Variants in ABHD2 observed in about 807,000 individuals in gnomAD.
ABHD2 encodes monoacylglycerol lipase ABHD2.
ABHD2 carries 20 observed loss-of-function variants against 48.1 expected under a neutral mutation model. That is an observed-to-expected ratio of 0.42 (90% CI 0.29 to 0.60). The LOEUF (loss-of-function observed/expected upper bound fraction) is 0.60, where lower values mean the gene tolerates loss of function less well. ABHD2 is among the 20% of genes least tolerant of loss of function. The pLI, the probability that ABHD2 is intolerant of heterozygous loss-of-function variation, is 0.24. For missense variants in ABHD2, 405 were observed against 550.9 expected (o/e 0.74, Z 2.65); for synonymous variants, 209 against 214.2 (o/e 0.98, Z 0.21).
intron 1 of ABHD2, among the ~76,000 whole-genome samples, chr15:89,103,135 C>A (rs1203817648): frequency 2.0e-5 from 3 of 152,220 alleles, no homozygotes; most frequent in Non-Finnish European, 4.4e-5. Context: ...CATTCGGTAT[C>A]CTCAATGCAA....
At chr15:89,110,443 G>C (rs2049856092) in intron 1 of ABHD2, among the ~76,000 whole-genome samples, 1 of 152,050 alleles carries the variant, frequency 6.6e-6, no homozygotes, top group Non-Finnish European at 1.5e-5. Context: ...CATTCGCTAA[G>C]GCTGGGTTCT....
upstream of ABHD2, among the ~76,000 whole-genome samples, chr15:89,083,873 A>G (rs191244669): frequency 6.6e-6 from 1 of 152,288 alleles, no homozygotes; most frequent in Admixed American, 6.5e-5. The surrounding 1 kb of genome is among the most constrained non-coding windows in gnomAD (Gnocchi z 5.1). Context: ...AACAAACTTC[A>G]TCTCCATTAC....
Position 89,175,634 on chromosome 15 carries a change from A to T in ABHD2, c.539-178A>T, listed in dbSNP as rs775966936. Among the ~76,000 whole-genome samples the T allele has an allele frequency of 6.6e-5, 10 of 152,108 alleles. No homozygotes were observed. The highest frequency in any genetic ancestry group is 1.3e-4 in the Non-Finnish European group (9 of 68,010). On this transcript the variant is annotated intron_variant, in intron 5 of 10. Coordinates refer to ENST00000352732, the MANE Select transcript of ABHD2 (RefSeq NM_152924.5). This position sits in a 1 kb window ranked among gnomAD's most constrained non-coding sequence, Gnocchi z 5.7. ...CTGGGAACTTCTGTCTGGATAGCCA[A>T]AGAGCAGTGTCTGTCTCTCTCTCCA... is the stretch of plus-strand genomic sequence containing the variant.
At position 89,097,221 on chromosome 15, in the gene ABHD2, C is replaced by T; in HGVS notation, c.-107+8658C>T. On this transcript the variant is annotated intron_variant, in intron 1 of 10. Coordinates refer to ENST00000352732, the MANE Select transcript of ABHD2 (RefSeq NM_152924.5). The surrounding 1 kb of genome is among the most constrained non-coding windows in gnomAD (Gnocchi z 4.2). ...TTTAACAATAATCAACTCATAACCA[C>T]TCACATTTACTCTGTCTTCCTAGCT... Among the ~76,000 whole-genome samples the T allele has an allele frequency of 6.6e-6, 1 of 152,218 alleles. No individual in the cohort carries two copies. The highest frequency in any genetic ancestry group is 1.9e-4 in the East Asian group (1 of 5,202).
the ABHD2 span, among the ~76,000 whole-genome samples, chr15:89,047,350 G>A: frequency 6.6e-6 from 1 of 151,482 alleles, no homozygotes; most frequent in Non-Finnish European, 1.5e-5. Context: ...GTGTGGTGTG[G>A]TGCTGAAAAA....
chr15:89,187,057 A>G (rs1250531453), intron 7 of ABHD2, among the ~76,000 whole-genome samples: 2 of 152,232 alleles, frequency 1.3e-5, no homozygotes, highest in East Asian at 3.8e-4. Flanking sequence ...CGTGTAGCTC[A>G]GCTGAGTTTG....
chr15:89,075,719 G>T, the ABHD2 span, among the ~76,000 whole-genome samples: 2 of 152,154 alleles, frequency 1.3e-5, no homozygotes, highest in South Asian at 2.1e-4. The surrounding 1 kb of genome is among the most constrained non-coding windows in gnomAD (Gnocchi z 4.1). Context: ...CAACTCAAGC[G>T]CTGGGAGAGG....
In ABHD2 at chr15:89,097,453, T is replaced by C. The variant is rs955044698; in HGVS notation, c.-107+8890T>C. Among the ~76,000 whole-genome samples, 4 of 152,250 alleles carry C rather than the reference T, an allele frequency of 2.6e-5. No homozygotes were observed. The highest frequency in any genetic ancestry group is 9.6e-5 in the African/African-American group (4 of 41,458). On this transcript the variant is annotated intron_variant, in intron 1 of 10. Transcript: ENST00000352732. This position sits in a 1 kb window ranked among gnomAD's most constrained non-coding sequence, Gnocchi z 4.2. ...ATTGTTTAAAAATGGCATAAGTGTT[T>C]TTCTCCTTAAGCTTAATTTTTGTGA... is the stretch of plus-strand genomic sequence containing the variant.
chr15:89,051,600 G>T, the ABHD2 span, among the ~76,000 whole-genome samples: 1 of 152,170 alleles, frequency 6.6e-6, no homozygotes, highest in South Asian at 2.1e-4. Flanking sequence ...GGAGGGACCT[G>T]GTGGATAACC....
At position 89,092,966 on chromosome 15, in the gene ABHD2, A is replaced by G. The variant is rs1228948819; in HGVS notation, c.-107+4403A>G. Among the ~76,000 whole-genome samples the G allele has an allele frequency of 1.3e-5, 2 of 151,932 alleles. No homozygotes were observed. The highest frequency in any genetic ancestry group is 2.9e-5 in the Non-Finnish European group (2 of 67,998). On this transcript the variant is annotated intron_variant, in intron 1 of 10. Transcript: ENST00000352732. The surrounding 1 kb of genome is among the most constrained non-coding windows in gnomAD (Gnocchi z 4.4). ...TTTCTTTTCTGTGAGAGCCCGGGGG[A>G]GGTGCAGGGGAGCTTCTAAAGGTCA...
intron 3 of ABHD2, among the ~76,000 whole-genome samples, chr15:89,118,687 A>C (rs114959092): frequency 2.6e-5 from 4 of 152,296 alleles, no homozygotes; most frequent in African/African-American, 9.6e-5. Flanking sequence ...GAGTAATTAG[A>C]GGAAGGAAGC....
At chr15:89,160,993 A>G (rs2050753773) in intron 5 of ABHD2, among the ~76,000 whole-genome samples, 1 of 152,216 alleles carries the variant, frequency 6.6e-6, no homozygotes, top group Admixed American at 6.5e-5. Context: ...TACTTTTCTC[A>G]TCCAGGAGCA....
chr15:89,088,468 G>A lies in ABHD2; in HGVS notation c.-202G>A, dbSNP rs1333486620. 2.0e-5 allele frequency: 3 copies of A among 152,954 alleles called. No homozygotes were observed. The East Asian group carries it at 5.7e-4, about 29-fold the overall frequency. The allele number at this position is 152,954 out of a possible 1,614,324, so 9.5% of individuals were successfully genotyped here. ...AGCGGCGGGAGCTGCACTGGCCAGGGGTTCCGGCTGTATATCCATGAGCGC... is the reference window on the plus strand; with the variant it reads ...AGCGGCGGGAGCTGCACTGGCCAGGAGTTCCGGCTGTATATCCATGAGCGC... On this transcript the variant is annotated 5_prime_UTR_variant, in exon 1 of 11. Coordinates refer to ENST00000352732, the MANE Select transcript of ABHD2 (RefSeq NM_152924.5). The surrounding 1 kb of genome is among the most constrained non-coding windows in gnomAD (Gnocchi z 6.8).
At chr15:89,067,495 C>T in the ABHD2 span, among the ~76,000 whole-genome samples, 1 of 152,130 alleles carries the variant, frequency 6.6e-6, no homozygotes, top group South Asian at 2.1e-4. Flanking sequence ...TCTGTCCAAG[C>T]CACAAGGGGT....
chr15:89,122,693 C>T (rs1245029369), intron 3 of ABHD2, among the ~76,000 whole-genome samples: 1 of 152,214 alleles, frequency 6.6e-6, no homozygotes, highest in African/African-American at 2.4e-5. Context: ...TTTTCATCAC[C>T]AGGTCCCGGT....
chr15:89,129,865 G>T (rs571986617), intron 3 of ABHD2, among the ~76,000 whole-genome samples: 1 of 151,272 alleles, frequency 6.6e-6, no homozygotes, highest in African/African-American at 2.4e-5. Context: ...AGTAAATATA[G>T]CTGCTATTAT....
In ABHD2 at chr15:89,150,985, C is replaced by T. The variant is rs191026512; in HGVS notation, c.195-692C>T. On this transcript the variant is annotated intron_variant, in intron 3 of 10. Coordinates refer to ENST00000352732, the MANE Select transcript of ABHD2 (RefSeq NM_152924.5). Reference sequence around the variant, plus strand: ...TTGTGATTTTTGCATTTCCTACCAACGCCTAGAGTCACTCTGTGTTTTTAC... The same window carrying T: ...TTGTGATTTTTGCATTTCCTACCAATGCCTAGAGTCACTCTGTGTTTTTAC... Among the ~76,000 whole-genome samples, 12 of 152,358 alleles carry T rather than the reference C, an allele frequency of 7.9e-5. No individual in the cohort carries two copies. In the East Asian group the frequency reaches 9.6e-4, roughly 12 times the overall value.
intron 3 of ABHD2, among the ~76,000 whole-genome samples, chr15:89,133,041 C>T (rs571317731): frequency 1.3e-5 from 2 of 152,322 alleles, no homozygotes; most frequent in African/African-American, 4.8e-5. Flanking sequence ...CTTCCTCTTA[C>T]ATTTGTGCTC....
At chr15:89,067,207 G>GCCCACACCTGTAAT in the ABHD2 span, among the ~76,000 whole-genome samples, 151 of 151,882 alleles carry the variant, frequency 9.9e-4, no homozygotes, top group Non-Finnish European at 1.8e-3. Context: ...AGCTCTGGAA[G>GCCCACACCTGTAAT]CCCACACTAT....
Sources: allele counts gnomAD v4.1 joint callset (sites outside exome capture counted in the v4.1 genomes callset), GRCh38; gene constraint gnomAD v4.1.1; non-coding constraint Gnocchi (gnomAD v3.1); transcripts MANE v1.5; gene names NCBI Gene and HGNC (gene_info 2026-07-23, HGNC 2026-07-21).